DOCK8: variants seen among roughly 807,000 people sequenced by gnomAD.
DOCK8 encodes the protein dedicator of cytokinesis protein 8.
DOCK8 carries 141 observed loss-of-function variants against 245.6 expected under a neutral mutation model. The observed-to-expected ratio is 0.57, with a 90% CI of 0.50 to 0.66. The LOEUF is 0.66. Among genes scored for constraint, DOCK8 ranks in the 30% least tolerant of loss-of-function variants. DOCK8 has a pLI of 0.00. For synonymous variants in DOCK8, 1,168 were observed against 970.2 expected (o/e 1.20, Z -3.79); for missense variants, 2,965 against 2,603.4 (o/e 1.14, Z -3.02).
At chr9:224,624 C>A (rs929206768) in intron 1 of DOCK8, among the ~76,000 whole-genome samples, 6 of 152,164 alleles carry the variant, frequency 3.9e-5, no homozygotes, top group Non-Finnish European at 8.8e-5. Context: ...CCAAAACCTT[C>A]TTTGGCAGAC....
At chr9:220,072 G>T (rs1423037844) in intron 1 of DOCK8, among the ~76,000 whole-genome samples, 1 of 152,228 alleles carries the variant, frequency 6.6e-6, no homozygotes, top group African/African-American at 2.4e-5. Context: ...CTGTTCCTCA[G>T]TAGTGGGGGT....
intron 1 of DOCK8, among the ~76,000 whole-genome samples, chr9:246,633 CAGA>C (rs1451358528): frequency 1.3e-5 from 2 of 151,938 alleles, no homozygotes; most frequent in African/African-American, 2.4e-5. Context: ...TTTATGGTAG[CAGA>C]AGGACAAAGA....
chr9:271,079 A>G (rs2048151138), intron 1 of DOCK8, among the ~76,000 whole-genome samples: 1 of 152,224 alleles, frequency 6.6e-6, no homozygotes, highest in Non-Finnish European at 1.5e-5. Context: ...GGATCACTGA[A>G]CTAGGAGCAG....
At chr9:376,399 A>C in intron 19 of DOCK8, 94 bp downstream of exon 19, 1 of 923,060 alleles carries the variant, frequency 1.1e-6, no homozygotes, top group South Asian at 1.3e-5. Context: ...ATCCTTGTCT[A>C]CAGATAAATA....
At chr9:364,514 A>G (rs955741673) in intron 14 of DOCK8, among the ~76,000 whole-genome samples, 1 of 151,812 alleles carries the variant, frequency 6.6e-6, no homozygotes, top group African/African-American at 2.4e-5. Context: ...CATGCCTACT[A>G]TTCTAGCTAC....
At chr9:362,588 C>G (rs1241613648) in intron 14 of DOCK8, among the ~76,000 whole-genome samples, 1 of 152,196 alleles carries the variant, frequency 6.6e-6, no homozygotes, top group Non-Finnish European at 1.5e-5. Context: ...AGCTGCTCCT[C>G]TCTCCTCTCA....
At position 452,067 on chromosome 9, in the gene DOCK8, C is replaced by T. The variant is rs571670319; in HGVS notation, c.6018C>T (p.Leu2006=). ...FLAEIPADPK[L]YRHHNKLRLC... ...CTGAAATTCCTGCTGATCCAAAACT[C>T]TATCGACATCACAACAAGTTGAGGT... Residue 2006 remains leucine, a synonymous_variant, in exon 46 of 48, where the codon CTC becomes CTT. Coordinates refer to ENST00000432829, the MANE Select transcript of DOCK8 (RefSeq NM_203447.4). The T allele has an allele frequency of 1.3e-6, 2 of 1,597,160 alleles. No individual in the cohort carries two copies. The highest frequency in any genetic ancestry group is 2.2e-5 in the South Asian group (2 of 90,702).
intron 1 of DOCK8, among the ~76,000 whole-genome samples, chr9:221,548 A>G (rs2046882129): frequency 6.6e-6 from 1 of 152,120 alleles, no homozygotes; most frequent in Non-Finnish European, 1.5e-5. Flanking sequence ...ACCGTGGCTC[A>G]TGCCTGTAAT....
At chr9:369,989 G>A (rs2053210598) in intron 15 of DOCK8, 1 of 544,878 alleles carries the variant, frequency 1.8e-6, no homozygotes, top group African/African-American at 1.9e-5. Flanking sequence ...TTTTTGTAGA[G>A]ATGAGGTTTC....
At chr9:277,880 T>C (rs1170643739) in intron 2 of DOCK8, among the ~76,000 whole-genome samples, 1 of 152,240 alleles carries the variant, frequency 6.6e-6, no homozygotes, top group African/African-American at 2.4e-5. Context: ...ATTTTTGTTA[T>C]GTGTATAGGC....
intron 5 of DOCK8, among the ~76,000 whole-genome samples, chr9:307,366 T>G (rs1222526293): frequency 8.6e-5 from 10 of 115,762 alleles, no homozygotes; most frequent in Admixed American, 3.5e-4. Flanking sequence ...TTTTTTTTTT[T>G]TTTTTTTTTT....
intron 12 of DOCK8, among the ~76,000 whole-genome samples, 193 bp downstream of exon 12, chr9:336,911 G>C (rs1161614164): frequency 6.6e-6 from 1 of 152,180 alleles, no homozygotes; most frequent in Non-Finnish European, 1.5e-5. Context: ...GTTTCTTTCA[G>C]TTTTGAAGGC....
At chr9:422,862 GTAAT>G (rs2056330309) in intron 33 of DOCK8, among the ~76,000 whole-genome samples, 1 of 152,130 alleles carries the variant, frequency 6.6e-6, no homozygotes. Flanking sequence ...GCAGATGCCT[GTAAT>G]CCCAGCTACT....
chr9:325,147 T>G (rs1015975048), intron 7 of DOCK8, among the ~76,000 whole-genome samples: 2 of 152,196 alleles, frequency 1.3e-5, no homozygotes, highest in African/African-American at 4.8e-5. Context: ...ATTAATTATT[T>G]CCTTCTATTT....
intron 25 of DOCK8, among the ~76,000 whole-genome samples, chr9:398,626 C>T (rs1003635780): frequency 1.6e-4 from 25 of 152,050 alleles, no homozygotes; most frequent in African/African-American, 2.4e-4. Context: ...ATACACCCTG[C>T]GGAGTATGAC....
chr9:304,784 A>T (rs1586651209), intron 5 of DOCK8, 80 bp downstream of exon 5: 27 of 1,599,140 alleles, frequency 1.7e-5, no homozygotes, highest in Non-Finnish European at 2.0e-5. Flanking sequence ...ACAAACTAGA[A>T]TAAACGATAG....
chr9:431,510 C>T (rs551985784), intron 36 of DOCK8, among the ~76,000 whole-genome samples: 2 of 151,822 alleles, frequency 1.3e-5, no homozygotes, highest in Admixed American at 6.6e-5. Context: ...ACAGAAGTCC[C>T]CTGATTTATT....
Position 368,031 on chromosome 9 carries a change from G to A in DOCK8, c.1693G>A (p.Val565Ile). 6.2e-7 allele frequency: 1 copy of A among 1,613,716 alleles called. No individual in the cohort carries two copies. Among genetic ancestry groups the A allele is most frequent in the Non-Finnish European group, 8.5e-7 (1 of 1,179,654 alleles). ...PHTVYRNLLYVYPQRLNFVNK... is the reference protein window; with the variant it reads ...PHTVYRNLLYIYPQRLNFVNK... Reference sequence around the variant, plus strand: ...CTTCTTTTCCAGAAACCTTCTCTATGTCTACCCACAGAGGCTGAACTTTGT... The same window carrying A: ...CTTCTTTTCCAGAAACCTTCTCTATATCTACCCACAGAGGCTGAACTTTGT... Residue 565 changes from valine to isoleucine, a missense_variant, in exon 15 of 48, where the codon GTC becomes ATC. Coordinates refer to ENST00000432829, the MANE Select transcript of DOCK8 (RefSeq NM_203447.4).
In DOCK8 at chr9:267,960, A is replaced by G. The variant is rs886772227; in HGVS notation, c.54-3667A>G. 5.3e-5 allele frequency: 8 copies of G among 152,344 alleles called. 1 individual carries two copies. The highest frequency in any genetic ancestry group is 6.8e-3 in the Middle Eastern group (2 of 294). The allele number at this position is 152,344 out of a possible 1,614,324, so 9.4% of individuals were successfully genotyped here. A position where few individuals can be genotyped will look rare whatever the true frequency, so the allele number is the denominator to read the frequency against. On this transcript the variant is annotated intron_variant, in intron 1 of 47. Coordinates refer to ENST00000432829, the MANE Select transcript of DOCK8 (RefSeq NM_203447.4). Reference sequence around the variant, plus strand: ...TAGATAAAAGAGTAACAGCAGTTTCATAGTTCTGGTTGCATATTACAGTAT... The same window carrying G: ...TAGATAAAAGAGTAACAGCAGTTTCGTAGTTCTGGTTGCATATTACAGTAT...
Sources: gnomAD v4.1 joint callset for allele counts (sites outside exome capture counted in the v4.1 genomes callset) on GRCh38, gnomAD v4.1.1 for gene constraint, MANE v1.5 for transcripts, NCBI Gene and HGNC (gene_info 2026-07-23, HGNC 2026-07-21) for gene names.